Variants in ITPR1 observed in about 807,000 individuals in gnomAD.
ITPR1 encodes inositol 1,4,5-trisphosphate-gated calcium channel ITPR1.
In ITPR1, 96 loss-of-function variants were observed where a neutral mutation model predicts 318.4. The observed-to-expected ratio is 0.30, with a 90% CI of 0.26 to 0.36. The LOEUF (loss-of-function observed/expected upper bound fraction) is 0.36. ITPR1 is among the 10% of genes least tolerant of loss of function. The probability of loss-of-function intolerance (pLI) is 1.00; values close to 1 mark genes in which losing one functional copy is unlikely to be tolerated. For missense variants in ITPR1, 2,440 were observed against 3,460.2 expected (o/e 0.71, Z 7.40); for synonymous variants, 1,312 against 1,289.9 (o/e 1.02, Z -0.37).
rs371167801 is a variant in ITPR1 at position 4,725,613 on chromosome 3, C to T, written c.5172+32C>T. 2.7e-5 allele frequency: 43 copies of T among 1,583,150 alleles called. No individual in the cohort carries two copies. In the Admixed American group the frequency reaches 4.2e-4, roughly 15 times the overall value. On this transcript the variant is annotated intron_variant, in intron 41 of 61. Transcript: ENST00000649015. ...TGCCCGCCTATATTTGTAGCGCCAGCGCCAGCAAATATGGATGCCTCTCAG... is the reference window on the plus strand; with the variant it reads ...TGCCCGCCTATATTTGTAGCGCCAGTGCCAGCAAATATGGATGCCTCTCAG...
intron 4 of ITPR1, among the ~76,000 whole-genome samples, chr3:4,573,097 A>G (rs1351877231): frequency 6.6e-6 from 1 of 152,150 alleles, no homozygotes; most frequent in Non-Finnish European, 1.5e-5. Flanking sequence ...TTCTTTGGCT[A>G]TATACCAGAA....
At chr3:4,518,237 T>TG (rs780276521) in intron 3 of ITPR1, among the ~76,000 whole-genome samples, 1 of 152,268 alleles carries the variant, frequency 6.6e-6, no homozygotes, top group African/African-American at 2.4e-5. Flanking sequence ...ATGTTTCCCC[T>TG]GGGGGTCTTG....
At chr3:4,549,174 T>C (rs4621315) in intron 4 of ITPR1, among the ~76,000 whole-genome samples, 72,477 of 152,058 alleles carry the variant, frequency 0.48, 18,458 homozygotes, top group East Asian at 0.62. Flanking sequence ...CCAATTTGCC[T>C]TATAATACAT....
At chr3:4,740,094 G>A (rs909704528) in intron 44 of ITPR1, among the ~76,000 whole-genome samples, 39 of 152,154 alleles carry the variant, frequency 2.6e-4, no homozygotes, top group Non-Finnish European at 4.1e-4. Context: ...TTTCAAAGGC[G>A]GGGAGAAAAA....
chr3:4,645,812 A>G, intron 10 of ITPR1, 84 bp downstream of exon 10: 4 of 1,267,146 alleles, frequency 3.2e-6, no homozygotes, highest in Non-Finnish European at 4.5e-6. Flanking sequence ...TCCTACAAAT[A>G]TTCATACATA....
intron 43 of ITPR1, among the ~76,000 whole-genome samples, chr3:4,733,878 C>G (rs188757121): frequency 1.9e-4 from 29 of 152,282 alleles, no homozygotes; most frequent in Admixed American, 1.9e-3. Flanking sequence ...GTAAAAGATA[C>G]AAAAACATGG....
chr3:4,496,828 C>A (rs1212503886), intron 2 of ITPR1, among the ~76,000 whole-genome samples: 2 of 152,120 alleles, frequency 1.3e-5, no homozygotes, highest in Non-Finnish European at 2.9e-5. Context: ...TCTTCATGAG[C>A]AGCTCTTAGA....
chr3:4,725,468 G>A (rs2042442897), intron 40 of ITPR1, 78 bp from the exon 41 acceptor site: 14 of 1,183,856 alleles, frequency 1.2e-5, no homozygotes, highest in Admixed American at 3.5e-5. Flanking sequence ...TTGTCCTTGA[G>A]TGTTGGTCTC....
At chr3:4,786,766 C>T (rs2047224006) in intron 51 of ITPR1, among the ~76,000 whole-genome samples, 1 of 152,166 alleles carries the variant, frequency 6.6e-6, no homozygotes, top group Non-Finnish European at 1.5e-5. Flanking sequence ...ACCCCTGGGG[C>T]CCAAACATAC....
chr3:4,734,542 A>C (rs1371597282), intron 43 of ITPR1, among the ~76,000 whole-genome samples: 2 of 152,280 alleles, frequency 1.3e-5, no homozygotes, highest in African/African-American at 4.8e-5. Context: ...CAATAGTAAT[A>C]CAAGGCAAGT....
At position 4,813,213 on chromosome 3, in the gene ITPR1, T is replaced by C; in HGVS notation, c.7540T>C (p.Ser2514Pro). The C allele has an allele frequency of 6.2e-7, 1 of 1,612,692 alleles. No homozygotes were observed. The highest frequency in any genetic ancestry group is 8.5e-7 in the Non-Finnish European group (1 of 1,178,914). The change falls in exon 57 of 62, where the codon TCC becomes CCC. Residue 2514 changes from serine (S) to proline (P), a missense_variant. Around this residue, in one of 23 missense-constraint regions of ITPR1, gnomAD observed 88 missense variants for 90.5 expected, o/e 0.97. Coordinates refer to ENST00000649015, the MANE Select transcript of ITPR1 (RefSeq NM_001378452.1). ...VCRVESGENC[S>P]SPAPREELVP... The stretch of plus-strand genomic sequence containing the variant: ...TAGGGTGGAGAGTGGGGAGAACTGC[T>C]CCTCTCCTGCACCCAGAGAAGGTAG...
chr3:4,800,990 C>A (rs554255137), intron 54 of ITPR1, among the ~76,000 whole-genome samples: 1 of 152,062 alleles, frequency 6.6e-6, no homozygotes, highest in Non-Finnish European at 1.5e-5. Context: ...CTGGAAAGGG[C>A]CACATAGAAA....
chr3:4,732,647 T>C (rs1007993103), intron 42 of ITPR1, among the ~76,000 whole-genome samples: 1 of 152,252 alleles, frequency 6.6e-6, no homozygotes, highest in Non-Finnish European at 1.5e-5. Context: ...TATTGTATCA[T>C]CTTATTCTAT....
intron 4 of ITPR1, among the ~76,000 whole-genome samples, chr3:4,548,286 A>G (rs1312121568): frequency 6.6e-6 from 1 of 152,204 alleles, no homozygotes; most frequent in Non-Finnish European, 1.5e-5. Context: ...TTCAAACATC[A>G]AGTTTGGGTT....
At chr3:4,563,236 T>G (rs892998280) in intron 4 of ITPR1, among the ~76,000 whole-genome samples, 2 of 152,100 alleles carry the variant, frequency 1.3e-5, no homozygotes, top group Admixed American at 6.5e-5. Context: ...ATTTGTTGGC[T>G]GGGTGTCACA....
chr3:4,538,862 A>C (rs528725018), intron 4 of ITPR1, among the ~76,000 whole-genome samples: 28 of 152,244 alleles, frequency 1.8e-4, no homozygotes, highest in African/African-American at 6.3e-4. Flanking sequence ...AGCAACACAC[A>C]CTGGGGCCTT....
chr3:4,676,805 T>C lies in ITPR1; in HGVS notation c.2967+4T>C. 6.2e-7 allele frequency: 1 copy of C among 1,604,546 alleles called. No individual in the cohort carries two copies. Among genetic ancestry groups the C allele is most frequent in the South Asian group, 1.1e-5 (1 of 90,410 alleles). ...GAAGATCATTGAGATACTCCAGGTATCCACTAGCTGGAGCTGGGGTAGGGA... is the reference window on the plus strand; with the variant it reads ...GAAGATCATTGAGATACTCCAGGTACCCACTAGCTGGAGCTGGGGTAGGGA... On this transcript the variant is annotated splice_donor_region_variant and intron_variant, in intron 24 of 61. Coordinates refer to ENST00000649015, the MANE Select transcript of ITPR1 (RefSeq NM_001378452.1).
chr3:4,571,954 C>T (rs929799722), intron 4 of ITPR1, among the ~76,000 whole-genome samples: 1 of 152,124 alleles, frequency 6.6e-6, no homozygotes, highest in African/African-American at 2.4e-5. Context: ...GGCTCAAGCA[C>T]CTACTATGAA....
At chr3:4,644,682 C>T (rs1385976520) in intron 8 of ITPR1, among the ~76,000 whole-genome samples, 1 of 152,122 alleles carries the variant, frequency 6.6e-6, no homozygotes, top group Non-Finnish European at 1.5e-5. Context: ...TCTAAATTAG[C>T]AATTATAGGA....
Sources: allele counts gnomAD v4.1 joint callset (sites outside exome capture counted in the v4.1 genomes callset), GRCh38; gene constraint gnomAD v4.1.1; regional missense constraint gnomAD v4.1.1; transcripts MANE v1.5; gene names NCBI Gene and HGNC (gene_info 2026-07-23, HGNC 2026-07-21).